Variants in VDAC1 observed in about 807,000 individuals in gnomAD.
The protein encoded by VDAC1 is voltage dependent anion channel 1, also known as non-selective voltage-gated ion channel VDAC1.
In VDAC1, 10 loss-of-function variants were observed where a neutral mutation model predicts 34.7. That is an observed-to-expected ratio of 0.29 (90% CI 0.18 to 0.49). VDAC1 has a LOEUF of 0.49. Ranked by LOEUF, VDAC1 falls within the 20% of genes least tolerant of loss-of-function variation. The pLI is 0.99. For synonymous variants in VDAC1, 130 were observed against 136.0 expected (o/e 0.96, Z 0.30); for missense variants, 230 against 347.9 (o/e 0.66, Z 2.69).
At chr5:134,027,651 A>T in the VDAC1 span, among the ~76,000 whole-genome samples, 1 of 151,904 alleles carries the variant, frequency 6.6e-6, no homozygotes, top group Admixed American at 6.6e-5. Flanking sequence ...AAAAGACAAC[A>T]CAACCAACAC....
the VDAC1 span, among the ~76,000 whole-genome samples, chr5:134,098,365 C>T: frequency 1.4e-5 from 2 of 147,966 alleles, no homozygotes; most frequent in Non-Finnish European, 3.0e-5. Flanking sequence ...GCTGGGATTA[C>T]AGGCACCCAC....
At chr5:133,992,882 T>C in intron 2 of VDAC1, 64 bp downstream of exon 2, 1 of 1,521,330 alleles carries the variant, frequency 6.6e-7, no homozygotes, top group South Asian at 1.2e-5. Flanking sequence ...CAGTTATCGG[T>C]AAAGTCTCAA....
chr5:134,042,171 C>A, the VDAC1 span, among the ~76,000 whole-genome samples: 1 of 152,184 alleles, frequency 6.6e-6, no homozygotes, highest in Non-Finnish European at 1.5e-5. Context: ...ACTGACCAGG[C>A]ACTGATGGCC....
chr5:134,070,708 G>A, the VDAC1 span, among the ~76,000 whole-genome samples: 2 of 152,026 alleles, frequency 1.3e-5, no homozygotes, highest in Non-Finnish European at 2.9e-5. Context: ...ATGATTTGAA[G>A]TCTCGGATTT....
At chr5:134,038,022 A>T in the VDAC1 span, among the ~76,000 whole-genome samples, 2 of 152,214 alleles carry the variant, frequency 1.3e-5, no homozygotes, top group Admixed American at 6.5e-5. Context: ...TTATTAAATA[A>T]TGTCAATGTG....
In VDAC1 at chr5:133,980,691, C is replaced by T; in HGVS notation, c.551+38G>A. The stretch of plus-strand genomic sequence containing the variant: ...ATCCCCTTACCACACATGCTCCAAC[C>T]CCACCCCTCCCACCCTGCTGCCCCC... On this transcript the variant is annotated intron_variant, in intron 6 of 8. Transcript: ENST00000265333. 2 of 486,906 alleles carry T rather than the reference C, an allele frequency of 4.1e-6. 1 individual carries two copies. Among genetic ancestry groups the T allele is most frequent in the Non-Finnish European group, 8.0e-6 (2 of 251,358 alleles). 30.2% of individuals were successfully genotyped at this position (486,906 alleles called of 1,614,324 possible). A position where few individuals can be genotyped will look rare whatever the true frequency, so the allele number is the denominator to read the frequency against.
chr5:134,042,483 G>A, the VDAC1 span, among the ~76,000 whole-genome samples: 1 of 152,158 alleles, frequency 6.6e-6, no homozygotes, highest in East Asian at 1.9e-4. Flanking sequence ...GGCATTTTTT[G>A]GTTTTGTTTT....
the VDAC1 span, among the ~76,000 whole-genome samples, chr5:134,051,709 G>GA: frequency 8.8e-6 from 1 of 114,188 alleles, no homozygotes; most frequent in Non-Finnish European, 1.9e-5. Flanking sequence ...TTGTTTTTTT[G>GA]TTTTTTTGAG....
chr5:134,093,010 T>C, the VDAC1 span, among the ~76,000 whole-genome samples: 1 of 152,190 alleles, frequency 6.6e-6, no homozygotes. Context: ...TGCACAATCA[T>C]CCTTCCATGG....
chr5:134,046,778 G>A, the VDAC1 span, among the ~76,000 whole-genome samples: 1 of 152,188 alleles, frequency 6.6e-6, no homozygotes, highest in South Asian at 2.1e-4. Flanking sequence ...TACACAGAGT[G>A]GTCAATAGCA....
At chr5:133,989,728 C>T (rs1418766968) in intron 5 of VDAC1, among the ~76,000 whole-genome samples, 3 of 150,836 alleles carry the variant, frequency 2.0e-5, no homozygotes, top group Non-Finnish European at 4.4e-5. Context: ...AATGGCACCA[C>T]CTTGGCTCAC....
the VDAC1 span, among the ~76,000 whole-genome samples, chr5:134,047,452 C>T: frequency 1.3e-5 from 2 of 152,116 alleles, no homozygotes; most frequent in African/African-American, 2.4e-5. Context: ...TGAGTGGGGC[C>T]TCAGAAAAGG....
At chr5:134,062,461 T>C in the VDAC1 span, among the ~76,000 whole-genome samples, 1 of 151,818 alleles carries the variant, frequency 6.6e-6, no homozygotes, top group Non-Finnish European at 1.5e-5. Context: ...ATATACAGTT[T>C]GCTAATACAT....
upstream of VDAC1, among the ~76,000 whole-genome samples, chr5:134,009,206 G>T (rs1157705515): frequency 7.2e-6 from 1 of 138,296 alleles, no homozygotes; most frequent in African/African-American, 2.7e-5. Context: ...GGAAAGAAAT[G>T]TATTAAGTAT....
chr5:134,048,384 A>G, the VDAC1 span, among the ~76,000 whole-genome samples: 1 of 152,012 alleles, frequency 6.6e-6, no homozygotes, highest in Non-Finnish European at 1.5e-5. Context: ...CTCCTGCCTC[A>G]GCCTCCCGAG....
the VDAC1 span, among the ~76,000 whole-genome samples, chr5:134,083,189 T>TTC: frequency 6.7e-6 from 1 of 149,042 alleles, no homozygotes; most frequent in African/African-American, 2.5e-5. Flanking sequence ...TCTTTTTTTT[T>TTC]CTTTTTTTTT....
the VDAC1 span, among the ~76,000 whole-genome samples, chr5:134,105,259 G>T: frequency 3.3e-5 from 5 of 152,172 alleles, no homozygotes; most frequent in African/African-American, 1.2e-4. Flanking sequence ...GCCAGGGGAG[G>T]CCTCCAATAA....
At chr5:133,988,589 C>T (rs574158448) in intron 5 of VDAC1, among the ~76,000 whole-genome samples, 9 of 152,064 alleles carry the variant, frequency 5.9e-5, no homozygotes, top group Non-Finnish European at 1.0e-4. Context: ...ACGGTGAAAC[C>T]CCCGTCTCCA....
At chr5:134,089,517 C>T in the VDAC1 span, among the ~76,000 whole-genome samples, 13 of 152,162 alleles carry the variant, frequency 8.5e-5, no homozygotes, top group African/African-American at 3.1e-4. Flanking sequence ...TTGGAAGAAA[C>T]ATTAAGGCAG....
Sources: allele counts gnomAD v4.1 joint callset (sites outside exome capture counted in the v4.1 genomes callset), GRCh38; gene constraint gnomAD v4.1.1; transcripts MANE v1.5; gene names NCBI Gene and HGNC (gene_info 2026-07-23, HGNC 2026-07-21).